Variants in ELL2 observed in about 807,000 individuals in gnomAD.
ELL2 encodes RNA polymerase II elongation factor ELL2.
ELL2 carries 21 observed loss-of-function variants against 72.8 expected under a neutral mutation model. That is an observed-to-expected ratio of 0.29 (90% CI 0.20 to 0.42). The LOEUF (loss-of-function observed/expected upper bound fraction) is 0.42. ELL2 is among the 10% of genes least tolerant of loss of function. ELL2 has a pLI of 1.00. For missense variants in ELL2, 568 were observed against 772.8 expected (o/e 0.73, Z 3.14); for synonymous variants, 266 against 283.2 (o/e 0.94, Z 0.61).
chr5:95,915,747 T>C (rs1749769144), intron 3 of ELL2, among the ~76,000 whole-genome samples: 1 of 152,036 alleles, frequency 6.6e-6, no homozygotes, highest in African/African-American at 2.4e-5. Flanking sequence ...AATGAAAGTG[T>C]TCAGGGAGGA....
chr5:95,912,279 A>C (rs891312267), intron 4 of ELL2, among the ~76,000 whole-genome samples: 1 of 152,196 alleles, frequency 6.6e-6, no homozygotes, highest in African/African-American at 2.4e-5. Context: ...GCTGATTTTC[A>C]AGCTTTGGAA....
At chr5:95,919,318 T>A (rs1051367081) in intron 3 of ELL2, 106 bp downstream of exon 3, 5 of 1,356,578 alleles carry the variant, frequency 3.7e-6, no homozygotes, top group Non-Finnish European at 5.0e-6. Context: ...GTAATTCAAT[T>A]TAATACACGT....
At chr5:95,930,214 G>T (rs149762578) in intron 2 of ELL2, among the ~76,000 whole-genome samples, 10 of 152,218 alleles carry the variant, frequency 6.6e-5, no homozygotes, top group African/African-American at 2.4e-4. Context: ...AATATGAATC[G>T]CAACTTCCAA....
intron 9 of ELL2, among the ~76,000 whole-genome samples, chr5:95,892,234 C>T (rs939573808): frequency 1.3e-5 from 2 of 151,916 alleles, no homozygotes; most frequent in Non-Finnish European, 2.9e-5. Context: ...GCAACCTCTA[C>T]CTCCTGGGCT....
chr5:95,940,096 T>C (rs951500747), intron 2 of ELL2, among the ~76,000 whole-genome samples: 2 of 152,236 alleles, frequency 1.3e-5, no homozygotes, highest in African/African-American at 2.4e-5. Flanking sequence ...ACTGCTACCA[T>C]AGATATTTCC....
At chr5:95,961,519 G>T in intron 1 of ELL2, 56 bp downstream of exon 1, 1 of 1,458,020 alleles carries the variant, frequency 6.9e-7, no homozygotes, top group South Asian at 1.4e-5. Context: ...GCGCGGCCAG[G>T]CCGTGAGGGG....
intron 2 of ELL2, among the ~76,000 whole-genome samples, chr5:95,928,123 T>C (rs1031669501): frequency 2.0e-5 from 3 of 152,004 alleles, no homozygotes; most frequent in East Asian, 1.9e-4. Flanking sequence ...AAGATGGAAA[T>C]AGCAGATTAG....
rs1039913067 is a variant in ELL2 at position 95,933,338 on chromosome 5, C to T, written c.195+9664G>A. 5.3e-5 allele frequency among the ~76,000 whole-genome samples: 8 copies of T among 152,052 alleles called. 1 individual carries two copies. The highest frequency in any genetic ancestry group is 1.2e-4 in the African/African-American group (5 of 41,408). On this transcript the variant is annotated intron_variant, in intron 2 of 11. Transcript: ENST00000237853. The stretch of plus-strand genomic sequence containing the variant: ...AGATAGCAATAATAATTTATGCACA[C>T]GGATTTTAATCATACCATTATTGTT...
intron 2 of ELL2, among the ~76,000 whole-genome samples, chr5:95,932,002 A>G (rs1750619964): frequency 6.8e-6 from 1 of 148,036 alleles, no homozygotes; most frequent in South Asian, 2.1e-4. Flanking sequence ...GTATCAAGCT[A>G]TAGGTAGCCC....
chr5:95,947,614 G>A (rs184130802), intron 1 of ELL2, among the ~76,000 whole-genome samples: 353 of 152,220 alleles, frequency 2.3e-3, no homozygotes, highest in African/African-American at 8.0e-3. Flanking sequence ...AGAGTACATC[G>A]CTTAGGATCA....
chr5:95,895,542 T>C (rs937813651), intron 9 of ELL2, 86 bp downstream of exon 9: 189 of 1,316,516 alleles, frequency 1.4e-4, no homozygotes, highest in Non-Finnish European at 2.0e-4. Context: ...AACTTCTTAC[T>C]TTTCTGATTT....
intron 1 of ELL2, among the ~76,000 whole-genome samples, chr5:95,956,035 A>G (rs1751616024): frequency 6.6e-6 from 1 of 152,160 alleles, no homozygotes; most frequent in South Asian, 2.1e-4. Context: ...ATTTTTCACA[A>G]GTGCAAATGG....
At chr5:95,935,117 ATT>A (rs921911663) in intron 2 of ELL2, among the ~76,000 whole-genome samples, 2 of 152,028 alleles carry the variant, frequency 1.3e-5, no homozygotes, top group Admixed American at 6.6e-5. Flanking sequence ...CACTGTTCTC[ATT>A]TTCATAACTG....
intron 1 of ELL2, among the ~76,000 whole-genome samples, chr5:95,945,337 T>C (rs1751118032): frequency 2.0e-5 from 3 of 152,208 alleles, no homozygotes; most frequent in Admixed American, 2.0e-4. Flanking sequence ...TCATATTCTA[T>C]TAGTCGTTTA....
At chr5:95,923,526 G>A (rs1001439104) in intron 2 of ELL2, among the ~76,000 whole-genome samples, 4 of 152,318 alleles carry the variant, frequency 2.6e-5, no homozygotes, top group African/African-American at 4.8e-5. Context: ...CTTGATGCAC[G>A]TCATGAGTTT....
At chr5:95,929,770 G>A (rs1750528249) in intron 2 of ELL2, among the ~76,000 whole-genome samples, 1 of 149,228 alleles carries the variant, frequency 6.7e-6, no homozygotes, top group African/African-American at 2.5e-5. Flanking sequence ...ATTACAAGAT[G>A]AAAGGAAGGG....
intron 1 of ELL2, 114 bp downstream of exon 1, chr5:95,961,461 G>T (rs943906584): frequency 1.6e-6 from 2 of 1,260,634 alleles, no homozygotes; most frequent in Non-Finnish European, 2.0e-6. Flanking sequence ...CGCTGCGGGC[G>T]CTGACGGTAG....
rs1285001871 is a variant in ELL2 at position 95,885,636 on chromosome 5, T to G, written c.*3235A>C. The stretch of plus-strand genomic sequence containing the variant: ...GAGTGTCTGAATTGATGGACCACTT[T>G]TGTCTAAAACTAATTTCAACATCTT... On this transcript the variant is annotated 3_prime_UTR_variant, in exon 12 of 12. Coordinates refer to ENST00000237853, the MANE Select transcript of ELL2 (RefSeq NM_012081.6). The G allele has an allele frequency of 6.6e-6, 1 of 152,232 alleles. No individual in the cohort carries two copies. Among genetic ancestry groups the G allele is most frequent in the Non-Finnish European group, 1.5e-5 (1 of 68,048 alleles). The allele number at this position is 152,232 out of a possible 1,614,324, so 9.4% of individuals were successfully genotyped here.
intron 5 of ELL2, among the ~76,000 whole-genome samples, chr5:95,906,093 T>C (rs963902216): frequency 1.3e-5 from 2 of 152,186 alleles, no homozygotes; most frequent in Non-Finnish European, 2.9e-5. Context: ...GCACAAAGTA[T>C]GTGGGGCAAG....
Sources: allele counts gnomAD v4.1 joint callset (sites outside exome capture counted in the v4.1 genomes callset), GRCh38; gene constraint gnomAD v4.1.1; transcripts MANE v1.5; gene names NCBI Gene and HGNC (gene_info 2026-07-23, HGNC 2026-07-21).